The following NOX4 variants were observed in gnomAD, a reference collection of about 807,000 sequenced individuals.
NOX4 encodes the protein kidney oxidase-1.
NOX4 carries 69 observed loss-of-function variants against 87.6 expected under a neutral mutation model. The observed-to-expected ratio is 0.79, with a 90% CI of 0.65 to 0.96. The LOEUF is 0.96. Among genes scored for constraint, NOX4 ranks in the 40% least tolerant of loss-of-function variants. The pLI is 0.00. For synonymous variants in NOX4, 275 were observed against 238.2 expected (o/e 1.15, Z -1.42); for missense variants, 680 against 681.5 (o/e 1.00, Z 0.02).
the NOX4 span, among the ~76,000 whole-genome samples, chr11:89,514,348 T>C: frequency 1.3e-5 from 2 of 151,962 alleles, no homozygotes; most frequent in Non-Finnish European, 2.9e-5. Context: ...TGTAAAGTGA[T>C]ATTTTATTCT....
At chr11:89,552,460 T>A in the NOX4 span, among the ~76,000 whole-genome samples, 1 of 152,312 alleles carries the variant, frequency 6.6e-6, no homozygotes, top group African/African-American at 2.4e-5. Context: ...TATGGAAACC[T>A]TATAATTCAT....
chr11:89,540,408 T>C, the NOX4 span, among the ~76,000 whole-genome samples: 2 of 147,972 alleles, frequency 1.4e-5, no homozygotes, highest in African/African-American at 5.1e-5. Context: ...TTATTGCTCA[T>C]ATATTAGGTG....
chr11:89,546,707 C>T, the NOX4 span: 3 of 152,306 alleles, frequency 2.0e-5, no homozygotes, highest in African/African-American at 7.2e-5. Flanking sequence ...TGCAACATCT[C>T]ATGGCAGAAG....
intron 2 of NOX4, among the ~76,000 whole-genome samples, chr11:89,480,633 A>G (rs1224523244): frequency 6.6e-6 from 1 of 152,102 alleles, no homozygotes; most frequent in African/African-American, 2.4e-5. Context: ...TCAATGCGCA[A>G]ATTGCTTACA....
chr11:89,513,432 T>A, the NOX4 span, among the ~76,000 whole-genome samples: 3 of 151,534 alleles, frequency 2.0e-5, no homozygotes, highest in Non-Finnish European at 4.4e-5. Flanking sequence ...ATAACAAAAA[T>A]CCAAAGCAAT....
At chr11:89,412,356 G>T (rs1051634378) in intron 8 of NOX4, among the ~76,000 whole-genome samples, 1 of 152,066 alleles carries the variant, frequency 6.6e-6, no homozygotes, top group Non-Finnish European at 1.5e-5. Flanking sequence ...TCCAATGGCT[G>T]CAGAACACAG....
chr11:89,403,623 T>A (rs369653025), intron 8 of NOX4, among the ~76,000 whole-genome samples: 4 of 152,090 alleles, frequency 2.6e-5, no homozygotes, highest in Admixed American at 2.6e-4. Flanking sequence ...ATGCCTGTAA[T>A]CCCAGCTACT....
At chr11:89,500,355 G>A (rs1184034800), upstream of NOX4, among the ~76,000 whole-genome samples, 2 of 152,004 alleles carry the variant, frequency 1.3e-5, no homozygotes, top group East Asian at 3.9e-4. Context: ...ATTTGTATGT[G>A]TTCAATTATT....
intron 2 of NOX4, among the ~76,000 whole-genome samples, chr11:89,489,350 C>T (rs1400070859): frequency 6.6e-6 from 1 of 151,974 alleles, no homozygotes; most frequent in Non-Finnish European, 1.5e-5. Context: ...TTTCTGCACC[C>T]CCCCACTCAC....
intron 12 of NOX4, among the ~76,000 whole-genome samples, chr11:89,365,274 C>G (rs965659449): frequency 2.0e-5 from 3 of 152,158 alleles, no homozygotes; most frequent in African/African-American, 7.2e-5. Context: ...TATTTTGCTT[C>G]TTATTTGTTT....
chr11:89,515,851 C>T, the NOX4 span, among the ~76,000 whole-genome samples: 318 of 152,000 alleles, frequency 2.1e-3, no homozygotes, highest in Middle Eastern at 6.8e-3. Context: ...GCGGCTATTC[C>T]TAGGCTTTTT....
the NOX4 span, among the ~76,000 whole-genome samples, chr11:89,557,380 G>A: frequency 6.6e-6 from 1 of 152,134 alleles, no homozygotes; most frequent in Non-Finnish European, 1.5e-5. Context: ...TTTTCCTCCG[G>A]GAAAGGAGGG....
chr11:89,412,153 C>T (rs1942514698), intron 8 of NOX4, among the ~76,000 whole-genome samples: 1 of 152,006 alleles, frequency 6.6e-6, no homozygotes, highest in Admixed American at 6.6e-5. Flanking sequence ...AAAACTGCAG[C>T]ACACAAAAAC....
At chr11:89,433,902 T>C (rs1364033901) in intron 6 of NOX4, among the ~76,000 whole-genome samples, 2 of 152,102 alleles carry the variant, frequency 1.3e-5, no homozygotes, top group Admixed American at 1.3e-4. Flanking sequence ...AAAGTGTCAA[T>C]GGTCTCCTTT....
intron 7 of NOX4, among the ~76,000 whole-genome samples, chr11:89,426,142 T>C (rs543827083): frequency 2.3e-4 from 35 of 152,308 alleles, no homozygotes; most frequent in African/African-American, 8.2e-4. Context: ...TTTTAGCAGA[T>C]GCAAACAAAC....
At chr11:89,537,777 C>G in the NOX4 span, among the ~76,000 whole-genome samples, 4 of 152,122 alleles carry the variant, frequency 2.6e-5, no homozygotes, top group Non-Finnish European at 2.9e-5. Context: ...ATGATGTTCT[C>G]TGCTAGACTC....
intron 12 of NOX4, among the ~76,000 whole-genome samples, chr11:89,356,973 C>A (rs1938114316): frequency 6.6e-6 from 1 of 152,110 alleles, no homozygotes; most frequent in Non-Finnish European, 1.5e-5. Flanking sequence ...AGATAGTATG[C>A]AAAGCTAACA....
intron 1 of NOX4, chr11:89,490,917 GA>G (rs1226759381): frequency 2.9e-6 from 2 of 701,374 alleles, no homozygotes; most frequent in South Asian, 1.5e-5. Context: ...AGGGTAAAAA[GA>G]AAAGCTGTAT....
At chr11:89,357,181 C>T (rs1307931728) in intron 12 of NOX4, among the ~76,000 whole-genome samples, 1 of 151,826 alleles carries the variant, frequency 6.6e-6, no homozygotes, top group Non-Finnish European at 1.5e-5. Flanking sequence ...TTTATTAAAA[C>T]ATACTGAATC....
Sources: allele counts gnomAD v4.1 joint callset (sites outside exome capture counted in the v4.1 genomes callset), GRCh38; gene constraint gnomAD v4.1.1; transcripts MANE v1.5; gene names NCBI Gene and HGNC (gene_info 2026-07-23, HGNC 2026-07-21).